Variants in MRTFA observed in about 807,000 individuals in gnomAD.
The protein encoded by MRTFA is myocardin-related transcription factor A.
MRTFA carries 20 observed loss-of-function variants against 83.5 expected under a neutral mutation model. The ratio of observed to expected loss-of-function variants is 0.24; its 90% CI spans 0.17 to 0.35. The LOEUF (loss-of-function observed/expected upper bound fraction) is 0.35. Ranked by LOEUF, MRTFA falls within the 10% of genes least tolerant of loss-of-function variation. MRTFA has a pLI of 1.00. For missense variants in MRTFA, 1,200 were observed against 1,224.7 expected, an observed-to-expected ratio of 0.98 and a Z score of 0.30; for synonymous variants, 659 against 541.2, an observed-to-expected ratio of 1.22 and a Z score of -3.02.
chr22:40,547,915 A>G (rs995696257), intron 3 of MRTFA, among the ~76,000 whole-genome samples: 2 of 152,094 alleles, frequency 1.3e-5, no homozygotes, highest in African/African-American at 4.8e-5. Context: ...CCACATCATA[A>G]GTACTATGAT....
rs183566628 is a variant in MRTFA at position 40,426,464 on chromosome 22, C to T, written c.602-2083G>A. 9.0e-4 allele frequency among the ~76,000 whole-genome samples: 137 copies of T among 152,302 alleles called. 1 individual carries two copies. The Middle Eastern group carries it at 0.02, about 23-fold the overall frequency. ...TGAGCAAATGAGCTACATTTGCCATCACCACCTCCTTCTCTCCTACTCAAC... is the reference window on the plus strand; with the variant it reads ...TGAGCAAATGAGCTACATTTGCCATTACCACCTCCTTCTCTCCTACTCAAC... On this transcript the variant is annotated intron_variant, in intron 7 of 14. Coordinates refer to ENST00000355630, the MANE Select transcript of MRTFA (RefSeq NM_020831.6).
chr22:40,457,465 AGAAAGAAAGAAAGAAAGAAAGAAG>A lies in MRTFA; in HGVS notation c.307+5732_307+5755del, dbSNP rs1300911837. Among the ~76,000 whole-genome samples, 120 of 151,104 alleles carry A rather than the reference AGAAAGAAAGAAAGAAAGAAAGAAG, an allele frequency of 7.9e-4. No individual in the cohort carries two copies. In the East Asian group the frequency reaches 8.0e-3, roughly 10 times the overall value. ...AAGAAAGAAAGAAAGAAAGAAAGAA[AGAAAGAAAGAAAGAAAGAAAGAAG>A]GAAAGAAAGAAAGAGAAAGAAAGAA... On this transcript the variant is annotated intron_variant, in intron 4 of 14. Coordinates refer to ENST00000355630, the MANE Select transcript of MRTFA (RefSeq NM_020831.6).
Position 40,418,370 on chromosome 22 carries a change from G to T in MRTFA, c.2364+4C>A, listed in dbSNP as rs748249588. 2.5e-6 allele frequency: 4 copies of T among 1,612,890 alleles called. No homozygotes were observed. The South Asian group carries it at 4.4e-5, about 18-fold the overall frequency. ...CCTGCCCGGTTCCTCCCATACCCAG[G>T]TACCTGCTGGGGGCTCCCACTGGAC... On this transcript the variant is annotated splice_donor_region_variant and intron_variant, in intron 12 of 14. Coordinates refer to ENST00000355630, the MANE Select transcript of MRTFA (RefSeq NM_020831.6).
At chr22:40,458,407 G>A (rs1389244171) in intron 4 of MRTFA, among the ~76,000 whole-genome samples, 1 of 152,164 alleles carries the variant, frequency 6.6e-6, no homozygotes. Context: ...GAGGTATATA[G>A]GAATTAGGGG....
intron 3 of MRTFA, among the ~76,000 whole-genome samples, chr22:40,487,296 T>C (rs1166402560): frequency 6.6e-6 from 1 of 152,200 alleles, no homozygotes; most frequent in Non-Finnish European, 1.5e-5. Context: ...AAGTATGACA[T>C]AGGAACTGAG....
chr22:40,420,870 C>T lies in MRTFA; in HGVS notation c.1158G>A (p.Gln386=), dbSNP rs368197024. ...ACTTTGGCGGGGCAGGCAGGATGGC[C>T]TGGTAGTTGTGGTGCTGCTGCTGCT... Residue 386 remains glutamine (Q), a synonymous_variant, in exon 10 of 15, where the codon CAG becomes CAA. Coordinates refer to ENST00000355630, the MANE Select transcript of MRTFA (RefSeq NM_020831.6). 1.9e-6 allele frequency: 3 copies of T among 1,613,750 alleles called. No homozygotes were observed. The highest frequency in any genetic ancestry group is 2.5e-6 in the Non-Finnish European group (3 of 1,179,980).
intron 5 of MRTFA, among the ~76,000 whole-genome samples, chr22:40,434,551 A>G (rs555611488): frequency 6.6e-6 from 1 of 152,138 alleles, no homozygotes; most frequent in Admixed American, 6.5e-5. Flanking sequence ...GTGAAACCCC[A>G]TCTCTACTAA....
intron 4 of MRTFA, among the ~76,000 whole-genome samples, chr22:40,442,667 A>T (rs1602249116): frequency 1.3e-5 from 2 of 152,220 alleles, no homozygotes; most frequent in South Asian, 4.1e-4. Context: ...GAAAAGAGAC[A>T]AATATAAGAT....
At chr22:40,493,976 A>G (rs181626848) in intron 3 of MRTFA, among the ~76,000 whole-genome samples, 171 of 152,274 alleles carry the variant, frequency 1.1e-3, no homozygotes, top group African/African-American at 3.8e-3. Context: ...CTAGCTAACA[A>G]CTCTTCAGGG....
chr22:40,502,374 T>A (rs1198374577), intron 3 of MRTFA, among the ~76,000 whole-genome samples: 3 of 106,506 alleles, frequency 2.8e-5, no homozygotes, highest in Non-Finnish European at 1.9e-5. Flanking sequence ...GCTCCTCACC[T>A]CCCAGACGGG....
At chr22:40,420,721 C>G in intron 10 of MRTFA, 126 bp downstream of exon 10, 2 of 1,536,476 alleles carry the variant, frequency 1.3e-6, no homozygotes, top group Non-Finnish European at 1.8e-6. Context: ...GCCTGCAGAC[C>G]ACTCTGTAGC....
intron 3 of MRTFA, among the ~76,000 whole-genome samples, chr22:40,469,453 A>G (rs781068974): frequency 7.2e-5 from 11 of 152,220 alleles, no homozygotes; most frequent in Non-Finnish European, 1.3e-4. Flanking sequence ...AGGCCTCTCT[A>G]GAAGCTGAGC....
chr22:40,471,104 G>A (rs189153356), intron 3 of MRTFA, among the ~76,000 whole-genome samples: 21 of 149,530 alleles, frequency 1.4e-4, no homozygotes, highest in Admixed American at 1.0e-3. Flanking sequence ...AAAGGAGGCC[G>A]GGTGTGGTAG....
intron 3 of MRTFA, among the ~76,000 whole-genome samples, chr22:40,542,346 TTC>T (rs2055305202): frequency 6.6e-6 from 1 of 152,346 alleles, no homozygotes; most frequent in African/African-American, 2.4e-5. Context: ...AGATCTGTTA[TTC>T]TGTTATAATA....
intron 3 of MRTFA, among the ~76,000 whole-genome samples, chr22:40,510,105 A>G (rs2054643406): frequency 6.6e-6 from 1 of 152,144 alleles, no homozygotes; most frequent in African/African-American, 2.4e-5. Flanking sequence ...AATCCAGTCA[A>G]ATTGACAGAT....
At chr22:40,585,505 T>A (rs917898070) in intron 2 of MRTFA, among the ~76,000 whole-genome samples, 1 of 152,146 alleles carries the variant, frequency 6.6e-6, no homozygotes, top group Non-Finnish European at 1.5e-5. Context: ...GACAGTTGCA[T>A]AACATTATGA....
intron 3 of MRTFA, among the ~76,000 whole-genome samples, chr22:40,519,018 T>G (rs2054813431): frequency 1.5e-5 from 2 of 130,820 alleles, no homozygotes; most frequent in Non-Finnish European, 1.7e-5. Context: ...GTTTTTGGGG[T>G]TTTTTTTTTT....
chr22:40,416,158 T>G lies in MRTFA; in HGVS notation c.2578+828A>C, dbSNP rs1403361403. Among the ~76,000 whole-genome samples the G allele has an allele frequency of 6.6e-6, 1 of 151,970 alleles. No individual in the cohort carries two copies. The highest frequency in any genetic ancestry group is 1.5e-5 in the Non-Finnish European group (1 of 67,990). On this transcript the variant is annotated intron_variant, in intron 14 of 14. Coordinates refer to ENST00000355630, the MANE Select transcript of MRTFA (RefSeq NM_020831.6). The surrounding 1 kb of genome is among the most constrained non-coding windows in gnomAD (Gnocchi z 4.2). ...CCCAGCTCACCCCATCAATGGCCAC[T>G]CCACCCTGGCCCTTTAGGCCACAGC...
At chr22:40,418,224 T>C (rs1415038581) in intron 12 of MRTFA, 150 bp downstream of exon 12, 4 of 1,422,034 alleles carry the variant, frequency 2.8e-6, no homozygotes, top group Non-Finnish European at 3.7e-6. Flanking sequence ...TTAACTTTCC[T>C]AAGTCTCAGT....
Sources: allele counts gnomAD v4.1 joint callset (sites outside exome capture counted in the v4.1 genomes callset), GRCh38; gene constraint gnomAD v4.1.1; non-coding constraint Gnocchi (gnomAD v3.1); transcripts MANE v1.5; gene names NCBI Gene and HGNC (gene_info 2026-07-23, HGNC 2026-07-21).